The following GATAD1 variants were observed in gnomAD, a reference collection of about 807,000 sequenced individuals.
The protein encoded by GATAD1 is GATA zinc finger domain containing 1.
Under a neutral mutation model 26.5 loss-of-function variants are expected in GATAD1, and 12 were observed. That is an observed-to-expected ratio of 0.45 (90% CI 0.29 to 0.73). The LOEUF (loss-of-function observed/expected upper bound fraction) is 0.73, where lower values mean the gene tolerates loss of function less well. Among genes scored for constraint, GATAD1 ranks in the 30% least tolerant of loss-of-function variants. The probability of loss-of-function intolerance (pLI) is 0.10; values close to 1 mark genes in which losing one functional copy is unlikely to be tolerated. For missense variants in GATAD1, 266 were observed against 342.1 expected, an observed-to-expected ratio of 0.78 and a Z score of 1.75; for synonymous variants, 129 against 133.1, an observed-to-expected ratio of 0.97 and a Z score of 0.21.
At chr7:92,493,058 A>C in the GATAD1 span, 9 of 1,612,354 alleles carry the variant, frequency 5.6e-6, no homozygotes, top group Non-Finnish European at 6.8e-6. Context: ...CTGATGCTAC[A>C]TGCTGAAGGT....
In GATAD1 at chr7:92,458,312, A is replaced by G. The variant is rs1385080314; in HGVS notation, c.*1750A>G. 2.0e-5 allele frequency: 3 copies of G among 152,216 alleles called. No individual in the cohort carries two copies. Among genetic ancestry groups the G allele is most frequent in the Middle Eastern group, 3.2e-3 (1 of 316 alleles). The allele number at this position is 152,216 out of a possible 1,614,324, so 9.4% of individuals were successfully genotyped here. On this transcript the variant is annotated 3_prime_UTR_variant, in exon 5 of 5. Transcript: ENST00000287957. ...CAGCTTCACCAAAGCCGCAGAGGAAACATGTCGAGATCAGGCTTCCTGCTT... is the reference window on the plus strand; with the variant it reads ...CAGCTTCACCAAAGCCGCAGAGGAAGCATGTCGAGATCAGGCTTCCTGCTT...
the GATAD1 span, among the ~76,000 whole-genome samples, chr7:92,480,632 C>T: frequency 6.6e-6 from 1 of 152,026 alleles, no homozygotes; most frequent in Admixed American, 6.6e-5. Flanking sequence ...GAACCATTTG[C>T]CTTGTGTGAG....
chr7:92,464,165 A>T (rs183831929), downstream of GATAD1, among the ~76,000 whole-genome samples: 1 of 152,282 alleles, frequency 6.6e-6, no homozygotes, highest in African/African-American at 2.4e-5. Context: ...GTGGGCAAAG[A>T]TCCTACTTGA....
the GATAD1 span, chr7:92,489,159 C>T: frequency 3.2e-4 from 266 of 830,156 alleles, 3 homozygotes; most frequent in South Asian, 2.6e-3. Flanking sequence ...TGCATAGCTA[C>T]GACACATATT....
chr7:92,450,782 G>A (rs1283379826), intron 3 of GATAD1, 22 bp downstream of exon 3: 1 of 1,528,708 alleles, frequency 6.5e-7, no homozygotes, highest in Non-Finnish European at 9.1e-7. Context: ...TAGAGTTACT[G>A]AAGGAAGAGT....
At chr7:92,455,089 A>C (rs1315626412) in intron 4 of GATAD1, among the ~76,000 whole-genome samples, 3 of 151,032 alleles carry the variant, frequency 2.0e-5, no homozygotes, top group Non-Finnish European at 4.4e-5. Flanking sequence ...TAGGGCTTCA[A>C]CATATAAATT....
the GATAD1 span, among the ~76,000 whole-genome samples, chr7:92,489,105 C>T: frequency 2.6e-5 from 4 of 152,208 alleles, no homozygotes; most frequent in Non-Finnish European, 4.4e-5. Context: ...TTAATGAAAA[C>T]TCAATTTTGA....
At chr7:92,490,888 C>T in the GATAD1 span, among the ~76,000 whole-genome samples, 1 of 152,322 alleles carries the variant, frequency 6.6e-6, no homozygotes, top group Admixed American at 6.5e-5. Context: ...TCACAGATAA[C>T]ACTTTGTTTT....
At chr7:92,479,532 G>T in the GATAD1 span, among the ~76,000 whole-genome samples, 6,582 of 152,274 alleles carry the variant, frequency 0.043, 199 homozygotes, top group Non-Finnish European at 0.069. Context: ...CAGGCCATCT[G>T]GATGTATATG....
In GATAD1 at chr7:92,448,777, C is replaced by G; in HGVS notation, c.275C>G (p.Ser92Cys). Residue 92 changes from serine (S) to cysteine (C), a missense_variant, in exon 2 of 5, where the codon TCT becomes TGT. By Grantham distance (112) the Ser-to-Cys change is moderately radical (BLOSUM62 -1). Coordinates refer to ENST00000287957, the MANE Select transcript of GATAD1 (RefSeq NM_021167.5). ...KQSKQEIHRR[S>C]ARLRNTKYKS... Reference sequence around the variant, plus strand: ...AGTAAGCAGGAAATTCACAGGAGGTCTGCTCGGCTCAGAAACACTAAATAC... The same window carrying G: ...AGTAAGCAGGAAATTCACAGGAGGTGTGCTCGGCTCAGAAACACTAAATAC... The G allele has an allele frequency of 6.2e-7, 1 of 1,611,770 alleles. No individual in the cohort carries two copies. Among genetic ancestry groups the G allele is most frequent in the Non-Finnish European group, 8.5e-7 (1 of 1,177,864 alleles).
chr7:92,460,573 GA>G (rs935176043), downstream of GATAD1, among the ~76,000 whole-genome samples: 1 of 151,948 alleles, frequency 6.6e-6, no homozygotes, highest in African/African-American at 2.4e-5. Flanking sequence ...ATAAATAAGA[GA>G]AAAAAGCAGA....
In GATAD1 at chr7:92,457,705, A is replaced by G. The variant is rs963336564; in HGVS notation, c.*1143A>G. The stretch of plus-strand genomic sequence containing the variant: ...GATGACTGACCAAGGGCTTAATCAA[A>G]TAAAATGACTAACAGCATCTATCAT... On this transcript the variant is annotated 3_prime_UTR_variant, in exon 5 of 5. Coordinates refer to ENST00000287957, the MANE Select transcript of GATAD1 (RefSeq NM_021167.5). 3.3e-5 allele frequency: 5 copies of G among 152,220 alleles called. No homozygotes were observed. The highest frequency in any genetic ancestry group is 7.4e-5 in the Non-Finnish European group (5 of 68,026). 9.4% of individuals were successfully genotyped at this position (152,220 alleles called of 1,614,324 possible).
At chr7:92,489,897 G>C in the GATAD1 span, 1 of 1,613,832 alleles carries the variant, frequency 6.2e-7, no homozygotes, top group Non-Finnish European at 8.5e-7. Context: ...TTGGTGCAGA[G>C]AGACATTGTG....
At chr7:92,482,103 T>C in the GATAD1 span, among the ~76,000 whole-genome samples, 1 of 152,186 alleles carries the variant, frequency 6.6e-6, no homozygotes, top group Admixed American at 6.5e-5. Flanking sequence ...GGAAAGAAAG[T>C]AAATCATGAG....
the GATAD1 span, chr7:92,489,551 G>A: frequency 9.8e-5 from 103 of 1,048,266 alleles, no homozygotes; most frequent in Non-Finnish European, 1.3e-4. Flanking sequence ...ATAAGATAAT[G>A]AAACATTGAA....
At chr7:92,449,380 C>A in intron 2 of GATAD1, 1 of 981,724 alleles carries the variant, frequency 1.0e-6, no homozygotes, top group Non-Finnish European at 1.2e-6. Flanking sequence ...TTTTGCTAAG[C>A]CTTATCTCCT....
At chr7:92,484,874 A>C in the GATAD1 span, among the ~76,000 whole-genome samples, 1 of 152,140 alleles carries the variant, frequency 6.6e-6, no homozygotes, top group African/African-American at 2.4e-5. Context: ...GAGTCCACCA[A>C]ACAGGCTTTG....
At chr7:92,467,267 T>C in the GATAD1 span, among the ~76,000 whole-genome samples, 5 of 151,994 alleles carry the variant, frequency 3.3e-5, no homozygotes, top group African/African-American at 9.7e-5. Flanking sequence ...GAGCCGAGAT[T>C]GCACCATTGC....
chr7:92,493,616 G>A, the GATAD1 span: 1 of 154,040 alleles, frequency 6.5e-6, no homozygotes, highest in Non-Finnish European at 1.4e-5. Context: ...TCCAGCCTGG[G>A]TGACAAAGTG....
Sources: allele counts gnomAD v4.1 joint callset (sites outside exome capture counted in the v4.1 genomes callset), GRCh38; gene constraint gnomAD v4.1.1; transcripts MANE v1.5; gene names NCBI Gene and HGNC (gene_info 2026-07-23, HGNC 2026-07-21).